The following TRABD2B variants were observed in gnomAD, a reference collection of about 807,000 sequenced individuals.
TRABD2B encodes metalloprotease TIKI2.
Under a neutral mutation model 40.1 loss-of-function variants are expected in TRABD2B, and 14 were observed. The ratio of observed to expected loss-of-function variants is 0.35; its 90% confidence interval spans 0.23 to 0.55. The LOEUF (loss-of-function observed/expected upper bound fraction) is 0.55, where lower values mean the gene tolerates loss of function less well. Ranked by LOEUF, TRABD2B falls within the 20% of genes least tolerant of loss-of-function variation. The pLI is 0.90. For missense variants in TRABD2B, 541 were observed against 648.6 expected, an observed-to-expected ratio of 0.83 and a Z score of 1.80; for synonymous variants, 263 against 277.0, an observed-to-expected ratio of 0.95 and a Z score of 0.50.
At chr1:47,766,466 C>T (rs1028454484) in intron 6 of TRABD2B, among the ~76,000 whole-genome samples, 13 of 152,188 alleles carry the variant, frequency 8.5e-5, no homozygotes, top group African/African-American at 3.1e-4. Context: ...CATCGACGTA[C>T]ACAGGTGCCC....
rs572888960 is a variant in TRABD2B, at chr1:47,897,486, C to T, written c.667-95867G>A. 2.4e-4 allele frequency among the ~76,000 whole-genome samples: 36 copies of T among 152,180 alleles called. No homozygotes were observed. In the East Asian group the frequency reaches 5.6e-3, roughly 24 times the overall value. On this transcript the variant is annotated intron_variant, in intron 2 of 6. Coordinates refer to ENST00000606738, the MANE Select transcript of TRABD2B (RefSeq NM_001194986.2). ...TATCCAGAAAACAGGCTCTTCCACACGGGGAGGACCCTGGAGGGCAGCTGC... is the reference window on the plus strand; with the variant it reads ...TATCCAGAAAACAGGCTCTTCCACATGGGGAGGACCCTGGAGGGCAGCTGC...
At chr1:47,937,695 A>C (rs557201913) in intron 2 of TRABD2B, among the ~76,000 whole-genome samples, 11 of 152,218 alleles carry the variant, frequency 7.2e-5, no homozygotes, top group African/African-American at 2.6e-4. Flanking sequence ...ATCCTTGATA[A>C]AGGAGTAGGG....
At chr1:47,898,322 G>C (rs1644553210) in intron 2 of TRABD2B, among the ~76,000 whole-genome samples, 1 of 152,222 alleles carries the variant, frequency 6.6e-6, no homozygotes, top group South Asian at 2.1e-4. Flanking sequence ...TCTGATAAAA[G>C]TCACTGCCCT....
At chr1:47,936,857 C>A (rs944867530) in intron 2 of TRABD2B, among the ~76,000 whole-genome samples, 9 of 143,670 alleles carry the variant, frequency 6.3e-5, no homozygotes, top group African/African-American at 2.3e-4. Flanking sequence ...GAATCATCAT[C>A]ATCATCACCA....
At chr1:47,826,704 G>A (rs1645180713) in intron 2 of TRABD2B, among the ~76,000 whole-genome samples, 1 of 152,134 alleles carries the variant, frequency 6.6e-6, no homozygotes, top group Non-Finnish European at 1.5e-5. Context: ...CTCCCGAATA[G>A]CTAGAACTAC....
chr1:47,978,918 G>A (rs1370037266), intron 2 of TRABD2B, among the ~76,000 whole-genome samples: 1 of 152,228 alleles, frequency 6.6e-6, no homozygotes. Context: ...AGGAGGTTGT[G>A]GGGAAGAGCT....
rs941040692 is a variant in TRABD2B, at chr1:47,764,431, C to T, written c.*1471G>A. Reference sequence around the variant, plus strand: ...AGCCCACCTGGGTCCTCTGTCTCCTCAACCACCACCTTGAGGAGCCGAGGG... The same window carrying T: ...AGCCCACCTGGGTCCTCTGTCTCCTTAACCACCACCTTGAGGAGCCGAGGG... On this transcript the variant is annotated 3_prime_UTR_variant, in exon 7 of 7. Coordinates refer to ENST00000606738, the MANE Select transcript of TRABD2B (RefSeq NM_001194986.2). 6.6e-6 allele frequency: 1 copy of T among 152,176 alleles called. No individual in the cohort carries two copies. The highest frequency in any genetic ancestry group is 2.4e-5 in the African/African-American group (1 of 41,446). 9.4% of individuals were successfully genotyped at this position (152,176 alleles called of 1,614,324 possible).
chr1:47,960,269 G>A (rs1645491880), intron 2 of TRABD2B, among the ~76,000 whole-genome samples: 1 of 152,146 alleles, frequency 6.6e-6, no homozygotes, highest in Non-Finnish European at 1.5e-5. Context: ...TACTGAATGG[G>A]CAAAAACTGG....
chr1:47,875,698 A>ATG (rs1373620127), intron 2 of TRABD2B, among the ~76,000 whole-genome samples: 1 of 132,234 alleles, frequency 7.6e-6, no homozygotes. Flanking sequence ...AAAAAAAAAA[A>ATG]AAGAAGAAGG....
chr1:47,815,510 C>T (rs2124376224), intron 2 of TRABD2B, among the ~76,000 whole-genome samples: 1 of 152,286 alleles, frequency 6.6e-6, no homozygotes, highest in Admixed American at 6.5e-5. Context: ...ATGGACCTGC[C>T]ACCAGGGACC....
intron 2 of TRABD2B, among the ~76,000 whole-genome samples, chr1:47,962,202 G>A (rs565592164): frequency 1.1e-4 from 16 of 151,640 alleles, no homozygotes; most frequent in Admixed American, 4.0e-4. Context: ...ATCACACGCC[G>A]GGGCCTGTTG....
Position 47,775,855 on chromosome 1 carries a change from C to A in TRABD2B, c.1080-416G>T, listed in dbSNP as rs1002285368. ...GAGAGTGGGGGTGAAGGGTGCTACT[C>A]AGGGAAGGTGGTCTGGTCACCAGCA... On this transcript the variant is annotated intron_variant, in intron 5 of 6. Coordinates refer to ENST00000606738, the MANE Select transcript of TRABD2B (RefSeq NM_001194986.2). 1.1e-4 allele frequency among the ~76,000 whole-genome samples: 17 copies of A among 152,124 alleles called. No individual in the cohort carries two copies. In the South Asian group the frequency reaches 3.3e-3, roughly 30 times the overall value.
chr1:47,771,063 A>G (rs1557552969), intron 6 of TRABD2B, among the ~76,000 whole-genome samples: 1 of 152,190 alleles, frequency 6.6e-6, no homozygotes, highest in Non-Finnish European at 1.5e-5. Flanking sequence ...TCATGGGGGC[A>G]TCTTCTACCT....
rs187930931 is a variant in TRABD2B, at chr1:47,854,419, G to C, written c.667-52800C>G. 2.1e-3 allele frequency among the ~76,000 whole-genome samples: 316 copies of C among 152,300 alleles called. 3 individuals carry two copies. The highest frequency in any genetic ancestry group is 7.0e-3 in the African/African-American group (292 of 41,544). ...GAAGGTATTGCAGATGATGCTTCAG[G>C]CGTCTGAATTAAGGCTTTTTTCCTT... is the stretch of plus-strand genomic sequence containing the variant. On this transcript the variant is annotated intron_variant, in intron 2 of 6. Coordinates refer to ENST00000606738, the MANE Select transcript of TRABD2B (RefSeq NM_001194986.2).
intron 6 of TRABD2B, among the ~76,000 whole-genome samples, chr1:47,768,018 C>A (rs1385767866): frequency 6.6e-6 from 1 of 152,220 alleles, no homozygotes; most frequent in Non-Finnish European, 1.5e-5. Flanking sequence ...CCTGACTCCA[C>A]ATGGGCTCTT....
At chr1:47,908,402 T>C (rs1183460384) in intron 2 of TRABD2B, among the ~76,000 whole-genome samples, 1 of 152,208 alleles carries the variant, frequency 6.6e-6, no homozygotes, top group Non-Finnish European at 1.5e-5. Context: ...AATCAGATAA[T>C]TGATTGGGAG....
intron 2 of TRABD2B, among the ~76,000 whole-genome samples, chr1:47,984,223 C>T (rs1357364150): frequency 6.6e-6 from 1 of 152,232 alleles, no homozygotes; most frequent in African/African-American, 2.4e-5. Context: ...CAGGGCTGGC[C>T]GCGCGCCGCG....
intron 3 of TRABD2B, among the ~76,000 whole-genome samples, chr1:47,799,040 A>G (rs922171389): frequency 6.9e-6 from 1 of 144,628 alleles, no homozygotes; most frequent in East Asian, 1.9e-4. Flanking sequence ...CACTTCAAGT[A>G]CGGGAACTGT....
intron 2 of TRABD2B, among the ~76,000 whole-genome samples, chr1:47,880,950 G>T (rs1644294756): frequency 6.6e-6 from 1 of 152,218 alleles, no homozygotes; most frequent in African/African-American, 2.4e-5. Flanking sequence ...CCAGCGGGGA[G>T]GAGTGAGGTT....
Sources: allele counts gnomAD v4.1 joint callset (sites outside exome capture counted in the v4.1 genomes callset), GRCh38; gene constraint gnomAD v4.1.1; transcripts MANE v1.5; gene names NCBI Gene and HGNC (gene_info 2026-07-23, HGNC 2026-07-21).